Variants in SNX24 observed in about 807,000 individuals in gnomAD.
The protein encoded by SNX24 is sorting nexin-24.
In SNX24, 22 loss-of-function variants were observed where a neutral mutation model predicts 28.7. That is an observed-to-expected ratio of 0.77 (90% CI 0.55 to 1.10). SNX24 has a LOEUF of 1.10. Ranked by LOEUF, SNX24 falls within the 50% of genes least tolerant of loss-of-function variation. The pLI, the probability that SNX24 is intolerant of heterozygous loss-of-function variation, is 0.00. For missense variants in SNX24, 221 were observed against 201.1 expected (o/e 1.10, Z -0.60); for synonymous variants, 69 against 71.5 (o/e 0.96, Z 0.18).
intron 6 of SNX24, among the ~76,000 whole-genome samples, chr5:123,002,867 A>G (rs1762293419): frequency 6.6e-6 from 1 of 152,158 alleles, no homozygotes; most frequent in Admixed American, 6.5e-5. Flanking sequence ...ACATTATCTC[A>G]TTTAATTTCC....
chr5:122,969,442 CA>C (rs60244098), intron 3 of SNX24, among the ~76,000 whole-genome samples: 43 of 147,994 alleles, frequency 2.9e-4, no homozygotes, highest in South Asian at 1.1e-3. Context: ...TATTGGTTTT[CA>C]AAAAAAAAAC....
rs538568455 is a variant in SNX24 at position 122,942,473 on chromosome 5, T to G, written c.145-3582T>G. On this transcript the variant is annotated intron_variant, in intron 2 of 6. Coordinates refer to ENST00000261369, the MANE Select transcript of SNX24 (RefSeq NM_014035.4). ...AAGTGTTTCCCGCTTCTTTAACTTT[T>G]CTTTTCTTTTTCATTCTTTTTATTC... 8.5e-5 allele frequency among the ~76,000 whole-genome samples: 13 copies of G among 152,354 alleles called. No individual in the cohort carries two copies. The South Asian group carries it at 2.7e-3, about 32-fold the overall frequency.
chr5:122,909,165 G>A (rs1757771516), intron 1 of SNX24, among the ~76,000 whole-genome samples: 1 of 152,150 alleles, frequency 6.6e-6, no homozygotes, highest in Admixed American at 6.5e-5. Context: ...ACCCCAGTTA[G>A]ACTCTTCATT....
At chr5:122,966,265 T>A (rs1760708564) in intron 3 of SNX24, among the ~76,000 whole-genome samples, 1 of 152,210 alleles carries the variant, frequency 6.6e-6, no homozygotes, top group Non-Finnish European at 1.5e-5. Flanking sequence ...GTTAGCAAAC[T>A]TTTTCTTTTT....
chr5:122,920,860 A>T (rs1344998254), intron 1 of SNX24, among the ~76,000 whole-genome samples: 3 of 152,214 alleles, frequency 2.0e-5, no homozygotes, highest in African/African-American at 7.2e-5. Flanking sequence ...TGCAAATAGG[A>T]AAAATTGTGC....
intron 1 of SNX24, among the ~76,000 whole-genome samples, chr5:122,909,921 A>G (rs548988955): frequency 3.3e-4 from 50 of 152,274 alleles, no homozygotes; most frequent in Middle Eastern, 3.4e-3. Flanking sequence ...TTCACAAACT[A>G]CCTAATGGAA....
intron 3 of SNX24, among the ~76,000 whole-genome samples, chr5:122,961,861 A>C (rs187813663): frequency 1.6e-4 from 24 of 152,216 alleles, no homozygotes; most frequent in African/African-American, 5.5e-4. Context: ...AACCCTAACT[A>C]CTTATTTAGG....
At chr5:122,984,235 G>A (rs1398369336) in intron 3 of SNX24, among the ~76,000 whole-genome samples, 2 of 151,774 alleles carry the variant, frequency 1.3e-5, no homozygotes, top group Non-Finnish European at 2.9e-5. Flanking sequence ...AACATGTTAT[G>A]TAATTAAAAG....
chr5:122,924,457 C>A (rs1356033149), intron 1 of SNX24, among the ~76,000 whole-genome samples: 2 of 152,166 alleles, frequency 1.3e-5, no homozygotes, highest in Non-Finnish European at 1.5e-5. Flanking sequence ...GGCTCGTGTG[C>A]TGGCTGGGAC....
chr5:123,005,552 C>T (rs1762394405), intron 6 of SNX24, among the ~76,000 whole-genome samples: 1 of 152,152 alleles, frequency 6.6e-6, no homozygotes, highest in Admixed American at 6.5e-5. Context: ...TCCTTTATGT[C>T]TTTTTTGCTT....
chr5:123,009,990 G>A (rs74975747), downstream of SNX24, among the ~76,000 whole-genome samples: 172 of 152,296 alleles, frequency 1.1e-3, 1 homozygote, highest in East Asian at 0.027. Context: ...CATGAGATAC[G>A]GAGCTCCCAG....
chr5:122,876,682 T>C (rs2150056658), intron 1 of SNX24, among the ~76,000 whole-genome samples: 1 of 152,338 alleles, frequency 6.6e-6, no homozygotes, highest in Admixed American at 6.5e-5. Flanking sequence ...CACACAATAC[T>C]TGTTGATCTA....
chr5:122,857,971 C>T (rs541397545), intron 1 of SNX24, among the ~76,000 whole-genome samples: 20 of 152,144 alleles, frequency 1.3e-4, no homozygotes, highest in Middle Eastern at 3.4e-3. Context: ...TTAGTAGAGA[C>T]GGGGTTTCAC....
At chr5:122,960,169 G>A (rs1424724867) in intron 3 of SNX24, among the ~76,000 whole-genome samples, 1 of 152,176 alleles carries the variant, frequency 6.6e-6, no homozygotes, top group African/African-American at 2.4e-5. Flanking sequence ...GTCAGTAGCT[G>A]TTTTGCTGCC....
intron 1 of SNX24, among the ~76,000 whole-genome samples, 195 bp from the exon 2 acceptor site, chr5:122,936,539 C>T (rs1036141349): frequency 8.5e-5 from 13 of 152,082 alleles, no homozygotes; most frequent in Middle Eastern, 3.4e-3. Context: ...GAGGATGTCA[C>T]ACTTTGTTAG....
intron 1 of SNX24, among the ~76,000 whole-genome samples, chr5:122,913,065 G>A (rs1187812663): frequency 6.6e-6 from 1 of 152,178 alleles, no homozygotes; most frequent in East Asian, 1.9e-4. Context: ...CAAGGCAGAA[G>A]AATTTTTCTT....
At chr5:122,950,956 T>C (rs904611807) in intron 3 of SNX24, among the ~76,000 whole-genome samples, 2 of 152,088 alleles carry the variant, frequency 1.3e-5, no homozygotes, top group African/African-American at 4.8e-5. Flanking sequence ...CTTTCCTAGA[T>C]AGATAAAGCT....
chr5:122,930,192 C>A (rs1393769623), intron 1 of SNX24, among the ~76,000 whole-genome samples: 1 of 152,186 alleles, frequency 6.6e-6, no homozygotes, highest in East Asian at 1.9e-4. Context: ...CCCTTGTGTG[C>A]TTCCTGCTGG....
chr5:123,003,241 C>T (rs1258707283), intron 6 of SNX24, among the ~76,000 whole-genome samples: 3 of 152,132 alleles, frequency 2.0e-5, no homozygotes, highest in Non-Finnish European at 4.4e-5. Flanking sequence ...TTGAGGGACC[C>T]TTCCTAGTAG....
Sources: allele counts gnomAD v4.1 joint callset (sites outside exome capture counted in the v4.1 genomes callset), GRCh38; gene constraint gnomAD v4.1.1; transcripts MANE v1.5; gene names NCBI Gene and HGNC (gene_info 2026-07-23, HGNC 2026-07-21).